Variants in PDE3A observed in about 807,000 individuals in gnomAD.
The protein encoded by PDE3A is cGMP-inhibited 3',5'-cyclic phosphodiesterase 3A.
A neutral mutation model predicts 98.3 loss-of-function variants in PDE3A; 43 were observed. The observed-to-expected ratio is 0.44, with a 90% CI of 0.34 to 0.56. The LOEUF is 0.56. Among genes scored for constraint, PDE3A ranks in the 20% least tolerant of loss-of-function variants. The pLI is 0.01. For missense variants in PDE3A, 1,427 were observed against 1,440.7 expected, an observed-to-expected ratio of 0.99 and a Z score of 0.15; for synonymous variants, 663 against 567.9, an observed-to-expected ratio of 1.17 and a Z score of -2.38.
chr12:20,643,023 G>C (rs1338855110), intron 10 of PDE3A, among the ~76,000 whole-genome samples: 1 of 152,184 alleles, frequency 6.6e-6, no homozygotes, highest in East Asian at 1.9e-4. Flanking sequence ...AAAGGAGAAA[G>C]TTGAGAAAAC....
chr12:20,523,938 A>T (rs1468269083), intron 1 of PDE3A, among the ~76,000 whole-genome samples: 1 of 152,194 alleles, frequency 6.6e-6, no homozygotes, highest in African/African-American at 2.4e-5. Context: ...TTATTACTTT[A>T]TATGTGTGTA....
intron 1 of PDE3A, among the ~76,000 whole-genome samples, chr12:20,525,477 G>GC (rs113175434): frequency 8.1e-4 from 118 of 144,982 alleles, no homozygotes; most frequent in Non-Finnish European, 1.7e-3. Flanking sequence ...TGGGGGGGGG[G>GC]GCTTTTGACA....
intron 2 of PDE3A, among the ~76,000 whole-genome samples, chr12:20,603,089 AG>A (rs1193188153): frequency 1.3e-5 from 2 of 152,234 alleles, no homozygotes; most frequent in East Asian, 3.9e-4. Flanking sequence ...ACAGAGATGT[AG>A]GAGGAGACAG....
chr12:20,657,269 T>A (rs1592153768), intron 15 of PDE3A, among the ~76,000 whole-genome samples: 2 of 152,184 alleles, frequency 1.3e-5, no homozygotes, highest in East Asian at 3.9e-4. Context: ...CTCAGAAATT[T>A]AAATGACATT....
At chr12:20,664,635 T>C (rs764917485) in intron 15 of PDE3A, among the ~76,000 whole-genome samples, 6 of 152,190 alleles carry the variant, frequency 3.9e-5, no homozygotes. Flanking sequence ...GAATAAGTCA[T>C]GGATCTGATG....
rs1436569622 is a variant in PDE3A, at chr12:20,584,008, GACCAC to G, written c.1011+27300_1011+27304del. Among the ~76,000 whole-genome samples the G allele has an allele frequency of 2.0e-5, 3 of 152,136 alleles. No individual in the cohort carries two copies. The East Asian group carries it at 5.8e-4, about 29-fold the overall frequency. On this transcript the variant is annotated intron_variant, in intron 2 of 15. Transcript: ENST00000359062. ...TCAGGTTCAGAGAGAGCCATCTAAT[GACCAC>G]AACCTTCAAGTTCTAGACGCACCTA...
intron 14 of PDE3A, among the ~76,000 whole-genome samples, chr12:20,653,510 C>G (rs1355536352): frequency 6.6e-6 from 1 of 151,974 alleles, no homozygotes; most frequent in African/African-American, 2.4e-5. Context: ...TTACAGGCAC[C>G]TGCCACTACA....
chr12:20,687,914 G>GAAAAAAA lies in PDE3A; in HGVS notation c.*7660_*7666dup, dbSNP rs58496505. On this transcript the variant is annotated 3_prime_UTR_variant, in exon 16 of 16. Transcript: ENST00000359062. Reference sequence around the variant, plus strand: ...GACCAGTCATTACCTCTTCCCAACAGAAAAAAAAAAAAAAAAAAAAAAACT... The same window carrying GAAAAAAA: ...GACCAGTCATTACCTCTTCCCAACAGAAAAAAAAAAAAAAAAAAAAAAAAAAAAAACT... Among the ~76,000 whole-genome samples, 13 of 94,308 alleles carry GAAAAAAA rather than the reference G, an allele frequency of 1.4e-4. 2 individuals carry two copies. Among genetic ancestry groups the GAAAAAAA allele is most frequent in the Middle Eastern group, 0.012 (2 of 172 alleles). 61.9% of individuals were successfully genotyped at this position (94,308 alleles called of 152,430 possible). A position where few individuals can be genotyped will look rare whatever the true frequency, so the allele number is the denominator to read the frequency against.
At chr12:20,464,635 G>T (rs1773061827) in intron 1 of PDE3A, among the ~76,000 whole-genome samples, 1 of 152,166 alleles carries the variant, frequency 6.6e-6, no homozygotes, top group African/African-American at 2.4e-5. Context: ...AGCCAATCTG[G>T]TTTCAGGTGG....
intron 1 of PDE3A, among the ~76,000 whole-genome samples, chr12:20,469,986 C>G (rs1342154837): frequency 4.6e-5 from 7 of 152,130 alleles, no homozygotes; most frequent in Non-Finnish European, 7.4e-5. Flanking sequence ...AATAATGACT[C>G]TGGGAAATTG....
intron 1 of PDE3A, among the ~76,000 whole-genome samples, chr12:20,430,064 G>A (rs1427926524): frequency 6.6e-6 from 1 of 151,986 alleles, no homozygotes; most frequent in Non-Finnish European, 1.5e-5. Context: ...ATGACTTGTA[G>A]CATATGGTAT....
rs577142455 is a variant in PDE3A, at chr12:20,494,205, G to A, written c.961-62455G>A. Among the ~76,000 whole-genome samples the A allele has an allele frequency of 1.0e-3, 159 of 152,262 alleles. 1 individual carries two copies. Among genetic ancestry groups the A allele is most frequent in the African/African-American group, 3.7e-3 (152 of 41,536 alleles). ...TGACATTAGTACAAATATTCAAGTGGCTGAAGCCTTTTATTTTTCTTGGTC... is the reference window on the plus strand; with the variant it reads ...TGACATTAGTACAAATATTCAAGTGACTGAAGCCTTTTATTTTTCTTGGTC... On this transcript the variant is annotated intron_variant, in intron 1 of 15. Coordinates refer to ENST00000359062, the MANE Select transcript of PDE3A (RefSeq NM_000921.5).
chr12:20,576,649 G>A (rs1258247418), intron 2 of PDE3A, among the ~76,000 whole-genome samples: 1 of 152,032 alleles, frequency 6.6e-6, no homozygotes, highest in African/African-American at 2.4e-5. Context: ...TTCACTGGTG[G>A]AAATGAAGTT....
At chr12:20,605,164 G>T (rs1285126035) in intron 2 of PDE3A, among the ~76,000 whole-genome samples, 1 of 152,140 alleles carries the variant, frequency 6.6e-6, no homozygotes, top group Middle Eastern at 3.2e-3. Context: ...GTTAGTCTAT[G>T]TAATTTACAG....
chr12:20,655,254 G>A (rs527812227), intron 15 of PDE3A, among the ~76,000 whole-genome samples: 6 of 152,212 alleles, frequency 3.9e-5, no homozygotes, highest in Middle Eastern at 3.4e-3. Flanking sequence ...GTAAAGCAGG[G>A]AAAGATTTGT....
chr12:20,608,281 A>ATAAC (rs1943763859), intron 2 of PDE3A, among the ~76,000 whole-genome samples: 1 of 152,204 alleles, frequency 6.6e-6, no homozygotes, highest in African/African-American at 2.4e-5. Context: ...AAAAGTGGTA[A>ATAAC]TAACTTCTTA....
chr12:20,524,277 A>G (rs1368298165), intron 1 of PDE3A, among the ~76,000 whole-genome samples: 2 of 152,210 alleles, frequency 1.3e-5, no homozygotes, highest in South Asian at 2.1e-4. Flanking sequence ...CATCCTCCCA[A>G]TTCTAAAACT....
chr12:20,521,136 T>TCG (rs1946417336), intron 1 of PDE3A, among the ~76,000 whole-genome samples: 1 of 550 alleles, frequency 1.8e-3, no homozygotes, highest in Non-Finnish European at 0.013. Context: ...TCCTGGAGTG[T>TCG]TTTTTTTTTT....
chr12:20,533,258 T>A (rs1276908364), intron 1 of PDE3A, among the ~76,000 whole-genome samples: 1 of 152,100 alleles, frequency 6.6e-6, no homozygotes, highest in Non-Finnish European at 1.5e-5. Flanking sequence ...AGTATTTTCC[T>A]TTTTTCATGG....
Sources: gnomAD v4.1 joint callset for allele counts (sites outside exome capture counted in the v4.1 genomes callset) on GRCh38, gnomAD v4.1.1 for gene constraint, MANE v1.5 for transcripts, NCBI Gene and HGNC (gene_info 2026-07-23, HGNC 2026-07-21) for gene names.